ZFP90: variants seen among roughly 807,000 people sequenced by gnomAD.
ZFP90 encodes the protein zinc finger protein 90 homolog.
Under a neutral mutation model 60.8 loss-of-function variants are expected in ZFP90, and 38 were observed. The ratio of observed to expected loss-of-function variants is 0.62; its 90% CI spans 0.48 to 0.82. The LOEUF is 0.82. ZFP90 is among the 40% of genes least tolerant of loss of function. The probability of loss-of-function intolerance (pLI) is 0.00; values close to 1 mark genes in which losing one functional copy is unlikely to be tolerated. For synonymous variants in ZFP90, 287 were observed against 264.8 expected, an observed-to-expected ratio of 1.08 and a Z score of -0.82; for missense variants, 711 against 759.1, an observed-to-expected ratio of 0.94 and a Z score of 0.74.
intron 2 of ZFP90, among the ~76,000 whole-genome samples, chr16:68,572,973 A>G (rs1274078586): frequency 6.6e-6 from 1 of 151,962 alleles, no homozygotes; most frequent in Non-Finnish European, 1.5e-5. Context: ...GGATAGGACC[A>G]CTCCATCTGT....
chr16:68,560,892 T>TC (rs2091430589), intron 4 of ZFP90, among the ~76,000 whole-genome samples: 1 of 146,028 alleles, frequency 6.8e-6, no homozygotes, highest in African/African-American at 2.5e-5. Context: ...ATCTTCTTTT[T>TC]TTTTTCCGAG....
downstream of ZFP90, among the ~76,000 whole-genome samples, chr16:68,569,994 C>T (rs1406508314): frequency 1.3e-5 from 2 of 151,432 alleles, no homozygotes; most frequent in African/African-American, 2.4e-5. Context: ...CTGGATCTTT[C>T]CCATTAGCAT....
At chr16:68,551,900 A>G (rs541972492) in intron 2 of ZFP90, among the ~76,000 whole-genome samples, 22 of 152,108 alleles carry the variant, frequency 1.4e-4, no homozygotes, top group African/African-American at 5.3e-4. Flanking sequence ...CTGGGACTAC[A>G]GGCGCTCGCC....
At chr16:68,547,436 G>C (rs1296709002) in intron 2 of ZFP90, among the ~76,000 whole-genome samples, 1 of 152,152 alleles carries the variant, frequency 6.6e-6, no homozygotes, top group Non-Finnish European at 1.5e-5. Context: ...ATTGTTTTTT[G>C]TTGGATTTTT....
At chr16:68,559,602 C>G (rs987516720) in intron 4 of ZFP90, among the ~76,000 whole-genome samples, 2 of 152,174 alleles carry the variant, frequency 1.3e-5, no homozygotes, top group Non-Finnish European at 2.9e-5. Context: ...GGATCTCACT[C>G]TGTCACCCAC....
intron 1 of ZFP90, 93 bp from the exon 2 acceptor site, chr16:68,539,665 G>A (rs980678473): frequency 2.9e-6 from 3 of 1,018,986 alleles, no homozygotes; most frequent in African/African-American, 1.7e-5. Flanking sequence ...CATCTCCCCT[G>A]GAGATGTGGT....
At chr16:68,549,480 A>ATCC (rs2152063136) in intron 2 of ZFP90, among the ~76,000 whole-genome samples, 1 of 152,176 alleles carries the variant, frequency 6.6e-6, no homozygotes. Context: ...GATCAAGACC[A>ATCC]TCCTGGCTAA....
chr16:68,565,674 A>G lies in ZFP90; in HGVS notation c.*976A>G, dbSNP rs2091514711. The G allele has an allele frequency of 8.1e-6, 8 of 985,532 alleles. No homozygotes were observed. The highest frequency in any genetic ancestry group is 9.6e-6 in the Non-Finnish European group (8 of 829,922). The allele number at this position is 985,532 out of a possible 1,614,324, so 61.0% of individuals were successfully genotyped here. On this transcript the variant is annotated 3_prime_UTR_variant, in exon 5 of 5. Transcript: ENST00000563169. ...TTCTTAAGCCTACAGTATCAGATCA[A>G]TGGGAAAACAACAGAAAACTAAGAG... is the stretch of plus-strand genomic sequence containing the variant.
chr16:68,533,930 T>C (rs1012078769), intron 2 of ZFP90: 10 of 152,222 alleles, frequency 6.6e-5, no homozygotes, highest in African/African-American at 2.4e-4. Context: ...TGTGTTTCAA[T>C]GTAAATTTAT....
At position 68,543,531 on chromosome 16, in the gene ZFP90, A is replaced by G. The variant is rs371452828; in HGVS notation, c.33+3706A>G. On this transcript the variant is annotated intron_variant, in intron 2 of 4. Coordinates refer to ENST00000563169, the MANE Select transcript of ZFP90 (RefSeq NM_001305203.2). ...TATAGGATTGTTAGTAGCAATGTCT[A>G]TGTAAACATTATACATCCTTATTTG... Among the ~76,000 whole-genome samples, 13 of 150,910 alleles carry G rather than the reference A, an allele frequency of 8.6e-5. No homozygotes were observed. The South Asian group carries it at 1.0e-3, about 12-fold the overall frequency.
upstream of ZFP90, chr16:68,535,699 C>T (rs998570664): frequency 6.6e-6 from 1 of 152,128 alleles, no homozygotes; most frequent in Admixed American, 6.5e-5. Flanking sequence ...AAGTTTGCCT[C>T]ATTTGGCAAA....
intron 2 of ZFP90, among the ~76,000 whole-genome samples, chr16:68,574,586 C>G (rs889284242): frequency 7.9e-5 from 12 of 152,114 alleles, no homozygotes; most frequent in African/African-American, 2.7e-4. Flanking sequence ...ATTCCTGATC[C>G]TAGCACTCAA....
At chr16:68,569,292 A>G (rs1037030631), downstream of ZFP90, among the ~76,000 whole-genome samples, 1 of 152,110 alleles carries the variant, frequency 6.6e-6, no homozygotes, top group East Asian at 1.9e-4. Flanking sequence ...ACGTACCACC[A>G]TGCCCAGCTA....
chr16:68,568,448 A>AG (rs1434816238), downstream of ZFP90, among the ~76,000 whole-genome samples: 2 of 152,216 alleles, frequency 1.3e-5, no homozygotes, highest in Non-Finnish European at 2.9e-5. Context: ...TGCTGGCAAG[A>AG]GGGTAACTTG....
intron 4 of ZFP90, among the ~76,000 whole-genome samples, chr16:68,560,024 G>C (rs1233309107): frequency 6.6e-6 from 1 of 152,162 alleles, no homozygotes; most frequent in Non-Finnish European, 1.5e-5. Context: ...GTGAGCCACT[G>C]CTGAGGTCCC....
chr16:68,544,923 G>A (rs2091119994), intron 2 of ZFP90, among the ~76,000 whole-genome samples: 2 of 128,750 alleles, frequency 1.6e-5, no homozygotes, highest in Non-Finnish European at 3.2e-5. Context: ...TCATTCTGTT[G>A]CGCTGAAGTG....
intron 2 of ZFP90, among the ~76,000 whole-genome samples, chr16:68,556,568 C>G (rs147690174): frequency 1.4e-4 from 21 of 152,298 alleles, no homozygotes; most frequent in South Asian, 4.1e-4. Context: ...CCACTAGGTG[C>G]CGGGCGTTGT....
intron 2 of ZFP90, among the ~76,000 whole-genome samples, chr16:68,543,385 C>A (rs946613108): frequency 6.6e-6 from 1 of 152,028 alleles, no homozygotes; most frequent in African/African-American, 2.4e-5. Context: ...TGGGACCTTT[C>A]CCCTGAACAT....
intron 2 of ZFP90, among the ~76,000 whole-genome samples, chr16:68,550,793 A>G (rs1430375164): frequency 1.3e-5 from 2 of 152,204 alleles, no homozygotes; most frequent in Admixed American, 1.3e-4. Flanking sequence ...TTAGCAAGGG[A>G]GGATTTCAGC....
Sources: gnomAD v4.1 joint callset for allele counts (sites outside exome capture counted in the v4.1 genomes callset) on GRCh38, gnomAD v4.1.1 for gene constraint, MANE v1.5 for transcripts, NCBI Gene and HGNC (gene_info 2026-07-23, HGNC 2026-07-21) for gene names.